Variants in FBXW10B observed in about 807,000 individuals in gnomAD.
The protein encoded by FBXW10B is F-box and WD repeat domain containing 10B, also known as F-box and WD repeat domain containing protein 10B.
the FBXW10B span, among the ~76,000 whole-genome samples, chr17:15,584,887 A>G: frequency 6.6e-6 from 1 of 152,160 alleles, no homozygotes; most frequent in Non-Finnish European, 1.5e-5. Flanking sequence ...GCTCTTCTAA[A>G]AGGGCTTTTC....
the FBXW10B span, chr17:15,594,881 C>T: frequency 6.2e-7 from 1 of 1,609,780 alleles, no homozygotes; most frequent in South Asian, 1.1e-5. Flanking sequence ...CCCTCGTGGC[C>T]ACTGAGAGTC....
chr17:15,598,283 A>T, the FBXW10B span, among the ~76,000 whole-genome samples: 1,399 of 143,170 alleles, frequency 9.8e-3, 24 homozygotes, highest in African/African-American at 0.036. Context: ...ATATCCTATT[A>T]TTTTTTTTTT....
the FBXW10B span, among the ~76,000 whole-genome samples, chr17:15,597,555 C>A: frequency 6.6e-6 from 1 of 151,790 alleles, no homozygotes. Flanking sequence ...ATCACTTGAA[C>A]CCGGGAGGCA....
At chr17:15,586,192 A>T in the FBXW10B span, among the ~76,000 whole-genome samples, 1 of 151,630 alleles carries the variant, frequency 6.6e-6, no homozygotes, top group Non-Finnish European at 1.5e-5. Flanking sequence ...CATGAAAAAG[A>T]TTCATTTTTT....
the FBXW10B span, among the ~76,000 whole-genome samples, chr17:15,601,925 G>A: frequency 1.1e-3 from 166 of 152,012 alleles, no homozygotes; most frequent in East Asian, 4.4e-3. Context: ...ATCCTGGCTA[G>A]CACAGAGAAA....
the FBXW10B span, chr17:15,598,481 C>A: frequency 6.2e-7 from 1 of 1,613,026 alleles, no homozygotes; most frequent in South Asian, 1.1e-5. Flanking sequence ...ATTTTGGTAA[C>A]CTGTGGGTCG....
the FBXW10B span, among the ~76,000 whole-genome samples, chr17:15,611,810 C>T: frequency 3.3e-5 from 5 of 152,180 alleles, no homozygotes; most frequent in Non-Finnish European, 5.9e-5. Context: ...ATCAACCATG[C>T]CTTGATAGTC....
At chr17:15,618,827 T>C in the FBXW10B span, 1 of 984,592 alleles carries the variant, frequency 1.0e-6, no homozygotes, top group African/African-American at 1.7e-5. Context: ...CACTCAGTCA[T>C]TTCTCCTTTG....
At chr17:15,596,955 A>T in the FBXW10B span, among the ~76,000 whole-genome samples, 5 of 152,198 alleles carry the variant, frequency 3.3e-5, no homozygotes, top group African/African-American at 1.2e-4. Context: ...TAGACAGCTC[A>T]TCTCTAATCA....
At chr17:15,565,741 T>C in the FBXW10B span, 4 of 1,614,074 alleles carry the variant, frequency 2.5e-6, no homozygotes, top group Non-Finnish European at 3.4e-6. Flanking sequence ...CAGCACGAAC[T>C]CAGCGTTCAC....
At chr17:15,588,384 T>C in the FBXW10B span, 1 of 190,300 alleles carries the variant, frequency 5.3e-6, no homozygotes, top group Non-Finnish European at 1.1e-5. Flanking sequence ...GCTTCCAGAA[T>C]TCAGGTAGTA....
the FBXW10B span, chr17:15,596,765 T>G: frequency 2.1e-6 from 3 of 1,399,890 alleles, no homozygotes; most frequent in Admixed American, 7.3e-5. Context: ...CAAAGACTCA[T>G]CGAGCCCATC....
the FBXW10B span, among the ~76,000 whole-genome samples, chr17:15,599,267 C>T: frequency 1.4e-5 from 2 of 139,204 alleles, no homozygotes; most frequent in East Asian, 2.1e-4. Context: ...GTAACTTCTA[C>T]CCCCATAGGC....
the FBXW10B span, among the ~76,000 whole-genome samples, chr17:15,581,372 G>T: frequency 2.0e-5 from 3 of 152,132 alleles, no homozygotes; most frequent in African/African-American, 7.2e-5. Flanking sequence ...CATACTCATG[G>T]CCCAGAATCA....
chr17:15,594,074 T>TA, the FBXW10B span, among the ~76,000 whole-genome samples: 211 of 152,378 alleles, frequency 1.4e-3, no homozygotes, highest in African/African-American at 4.6e-3. Flanking sequence ...CTTTTTTTTT[T>TA]ATCTAACATA....
At chr17:15,593,751 T>C in the FBXW10B span, among the ~76,000 whole-genome samples, 6 of 152,124 alleles carry the variant, frequency 3.9e-5, no homozygotes, top group East Asian at 5.8e-4. Context: ...GTCTCAGTCT[T>C]CCAAGTAGCT....
chr17:15,610,435 C>A, the FBXW10B span, among the ~76,000 whole-genome samples: 2 of 152,096 alleles, frequency 1.3e-5, no homozygotes, highest in Admixed American at 1.3e-4. Flanking sequence ...GCAGGCATAC[C>A]CCCAAGTCTG....
At chr17:15,612,100 A>T in the FBXW10B span, among the ~76,000 whole-genome samples, 1 of 152,092 alleles carries the variant, frequency 6.6e-6, no homozygotes, top group East Asian at 1.9e-4. Context: ...CCACTAAATG[A>T]CCTGGTGCCA....
chr17:15,602,558 A>T, the FBXW10B span, among the ~76,000 whole-genome samples: 1 of 148,990 alleles, frequency 6.7e-6, no homozygotes, highest in Non-Finnish European at 1.5e-5. Flanking sequence ...TGAGGAAAAA[A>T]AAAACCCTGA....
Sources: gnomAD v4.1 joint callset for allele counts (sites outside exome capture counted in the v4.1 genomes callset) on GRCh38, gnomAD v4.1.1 for gene constraint, MANE v1.5 for transcripts, NCBI Gene and HGNC (gene_info 2026-07-23, HGNC 2026-07-21) for gene names.